Variants in DNAJC1 observed in about 807,000 individuals in gnomAD.
DNAJC1 encodes the protein dnaJ homolog subfamily C member 1.
In DNAJC1, 58 loss-of-function variants were observed where a neutral mutation model predicts 76.6. That is an observed-to-expected ratio of 0.76 (90% CI 0.61 to 0.94). DNAJC1 has a LOEUF of 0.94. Ranked by LOEUF, DNAJC1 falls within the 40% of genes least tolerant of loss-of-function variation. DNAJC1 has a pLI of 0.00. For synonymous variants in DNAJC1, 258 were observed against 267.9 expected, an observed-to-expected ratio of 0.96 and a Z score of 0.36; for missense variants, 689 against 677.3, an observed-to-expected ratio of 1.02 and a Z score of -0.19.
intron 7 of DNAJC1, among the ~76,000 whole-genome samples, chr10:21,882,933 C>T (rs1257379365): frequency 1.3e-5 from 2 of 151,944 alleles, no homozygotes; most frequent in Non-Finnish European, 2.9e-5. Context: ...GAATCGATGG[C>T]CATCCATTGG....
At chr10:21,805,439 G>GAGAC (rs1554887334) in intron 9 of DNAJC1, among the ~76,000 whole-genome samples, 2 of 142,746 alleles carry the variant, frequency 1.4e-5, no homozygotes, top group African/African-American at 5.2e-5. Flanking sequence ...GTTACGTATG[G>GAGAC]ACACACACAC....
intron 9 of DNAJC1, among the ~76,000 whole-genome samples, chr10:21,804,811 T>C (rs554008091): frequency 6.6e-6 from 1 of 152,126 alleles, no homozygotes; most frequent in South Asian, 2.1e-4. Flanking sequence ...TATTCATATA[T>C]ATAATTTAAA....
At chr10:21,976,862 T>C (rs1161405776) in intron 1 of DNAJC1, among the ~76,000 whole-genome samples, 1 of 152,118 alleles carries the variant, frequency 6.6e-6, no homozygotes, top group East Asian at 1.9e-4. Context: ...GCTTCTGCCT[T>C]TCTCTAAGTC....
chr10:21,845,937 C>G (rs1481881961), intron 8 of DNAJC1, among the ~76,000 whole-genome samples: 5 of 151,952 alleles, frequency 3.3e-5, no homozygotes, highest in African/African-American at 9.7e-5. Flanking sequence ...AAAAAAGAAC[C>G]ATTTCAGCTT....
At chr10:21,912,470 G>A (rs1328066510) in intron 6 of DNAJC1, among the ~76,000 whole-genome samples, 1 of 152,174 alleles carries the variant, frequency 6.6e-6, no homozygotes, top group African/African-American at 2.4e-5. Context: ...GAGGGTGGAA[G>A]TAAGGAATCT....
intron 8 of DNAJC1, among the ~76,000 whole-genome samples, chr10:21,866,090 A>G (rs2131703381): frequency 6.7e-6 from 1 of 150,266 alleles, no homozygotes; most frequent in South Asian, 2.1e-4. Context: ...AGCTGAGATC[A>G]CACCACTGCA....
chr10:21,809,245 C>T (rs928905438), intron 8 of DNAJC1, among the ~76,000 whole-genome samples: 17 of 151,388 alleles, frequency 1.1e-4, no homozygotes, highest in African/African-American at 4.1e-4. Context: ...AAAATTATGG[C>T]CAAATTAAAA....
intron 3 of DNAJC1, among the ~76,000 whole-genome samples, chr10:21,926,562 CT>C (rs1017623345): frequency 2.0e-5 from 3 of 151,838 alleles, no homozygotes; most frequent in Admixed American, 6.6e-5. Flanking sequence ...TGACTGTGCT[CT>C]TTTTTTTCCT....
intron 8 of DNAJC1, among the ~76,000 whole-genome samples, chr10:21,820,147 T>A (rs538748926): frequency 6.6e-6 from 1 of 152,224 alleles, no homozygotes; most frequent in African/African-American, 2.4e-5. Flanking sequence ...TCTGTCTCTA[T>A]AGATTTCCCT....
chr10:21,878,591 T>C (rs903147232), intron 8 of DNAJC1, among the ~76,000 whole-genome samples: 2 of 152,364 alleles, frequency 1.3e-5, no homozygotes, highest in African/African-American at 2.4e-5. Context: ...ACATACATTT[T>C]ATGCATGACA....
intron 7 of DNAJC1, among the ~76,000 whole-genome samples, chr10:21,898,698 A>G (rs1590039112): frequency 6.6e-6 from 1 of 151,972 alleles, no homozygotes; most frequent in South Asian, 2.1e-4. Flanking sequence ...CATTATAGAC[A>G]TGTGCCACCA....
At chr10:21,922,160 T>G (rs1396633154) in intron 3 of DNAJC1, among the ~76,000 whole-genome samples, 3 of 152,044 alleles carry the variant, frequency 2.0e-5, no homozygotes, top group African/African-American at 7.2e-5. Flanking sequence ...ATAGCGCAGC[T>G]GCTAAACTGC....
At chr10:21,992,727 G>A (rs1838346872) in intron 1 of DNAJC1, among the ~76,000 whole-genome samples, 1 of 152,116 alleles carries the variant, frequency 6.6e-6, no homozygotes, top group Non-Finnish European at 1.5e-5. Flanking sequence ...TGTCAGTCAT[G>A]ATTTATATGT....
At chr10:21,883,427 C>T (rs1218549434) in intron 7 of DNAJC1, among the ~76,000 whole-genome samples, 3 of 152,022 alleles carry the variant, frequency 2.0e-5, no homozygotes, top group Admixed American at 2.0e-4. Context: ...TACTATACTG[C>T]CAATGTAACA....
chr10:21,992,308 C>A (rs1413403536), intron 1 of DNAJC1, among the ~76,000 whole-genome samples: 1 of 151,950 alleles, frequency 6.6e-6, no homozygotes, highest in Non-Finnish European at 1.5e-5. Flanking sequence ...GAGACTCTGT[C>A]TCAAAAAATA....
At position 21,882,179 on chromosome 10, in the gene DNAJC1, T is replaced by C. The variant is rs955084094; in HGVS notation, c.978+103A>G. 1.3e-5 allele frequency: 14 copies of C among 1,085,412 alleles called. No individual in the cohort carries two copies. In the African/African-American group the frequency reaches 1.8e-4, roughly 14 times the overall value. The allele number at this position is 1,085,412 out of a possible 1,614,324, so 67.2% of individuals were successfully genotyped here. On this transcript the variant is annotated intron_variant, in intron 8 of 11. Transcript: ENST00000376980. Reference sequence around the variant, plus strand: ...AAACAAAACAAAACAATAGTATTTGTGAAGTGCAATAAAACAAAGCACTAT... The same window carrying C: ...AAACAAAACAAAACAATAGTATTTGCGAAGTGCAATAAAACAAAGCACTAT...
intron 1 of DNAJC1, among the ~76,000 whole-genome samples, chr10:21,982,330 G>C (rs1838171251): frequency 6.6e-6 from 1 of 151,994 alleles, no homozygotes; most frequent in Non-Finnish European, 1.5e-5. Context: ...AAAACTTCAT[G>C]ATATTAGATT....
intron 8 of DNAJC1, among the ~76,000 whole-genome samples, chr10:21,880,627 A>G (rs1836258694): frequency 6.6e-6 from 1 of 152,136 alleles, no homozygotes; most frequent in Non-Finnish European, 1.5e-5. Flanking sequence ...ATATTTTTTT[A>G]CTGAGCAGTA....
At chr10:21,774,767 G>A (rs1353239268) in intron 9 of DNAJC1, among the ~76,000 whole-genome samples, 2 of 152,184 alleles carry the variant, frequency 1.3e-5, no homozygotes, top group African/African-American at 4.8e-5. Context: ...ATGAGCCACC[G>A]CGCCCGGCCT....
Sources: gnomAD v4.1 joint callset for allele counts (sites outside exome capture counted in the v4.1 genomes callset) on GRCh38, gnomAD v4.1.1 for gene constraint, MANE v1.5 for transcripts, NCBI Gene and HGNC (gene_info 2026-07-23, HGNC 2026-07-21) for gene names.